ARID5B: variants seen among roughly 807,000 people sequenced by gnomAD.
The protein encoded by ARID5B is AT-rich interaction domain 5B.
In ARID5B, 13 loss-of-function variants were observed where a neutral mutation model predicts 97.2. The ratio of observed to expected loss-of-function variants is 0.13; its 90% CI spans 0.09 to 0.21. The LOEUF (loss-of-function observed/expected upper bound fraction) is 0.21, where lower values mean the gene tolerates loss of function less well. ARID5B is among the 10% of genes least tolerant of loss of function. ARID5B has a pLI of 1.00. For synonymous variants in ARID5B, 556 were observed against 570.3 expected, an observed-to-expected ratio of 0.97 and a Z score of 0.36; for missense variants, 1,210 against 1,465.3, an observed-to-expected ratio of 0.83 and a Z score of 2.84.
chr10:61,969,389 C>T (rs554629127), intron 3 of ARID5B, among the ~76,000 whole-genome samples: 42 of 152,234 alleles, frequency 2.8e-4, no homozygotes, highest in South Asian at 8.3e-4. Flanking sequence ...AGGAATTGAA[C>T]CTATAATATG....
intron 3 of ARID5B, among the ~76,000 whole-genome samples, chr10:61,970,991 G>GTA (rs1554841398): frequency 6.7e-6 from 1 of 149,564 alleles, no homozygotes; most frequent in South Asian, 2.1e-4. Context: ...GTGTGTGTGT[G>GTA]TATGTGTGTA....
At chr10:61,924,601 A>T (rs1365814014) in intron 2 of ARID5B, among the ~76,000 whole-genome samples, 1 of 152,238 alleles carries the variant, frequency 6.6e-6, no homozygotes, top group African/African-American at 2.4e-5. Flanking sequence ...AAAAAATTTA[A>T]CAAGAATGGA....
At chr10:62,084,886 G>A (rs1208484478) in intron 8 of ARID5B, among the ~76,000 whole-genome samples, 1 of 152,146 alleles carries the variant, frequency 6.6e-6, no homozygotes, top group South Asian at 2.1e-4. Context: ...CGCTGGGGCG[G>A]TCTTTTACTT....
intron 4 of ARID5B, among the ~76,000 whole-genome samples, chr10:62,015,078 A>C (rs1839266105): frequency 6.6e-6 from 1 of 152,220 alleles, no homozygotes; most frequent in African/African-American, 2.4e-5. Context: ...GAAAATAATG[A>C]CATTAGATCA....
Position 62,007,339 on chromosome 10 carries a change from CTCAT to C in ARID5B, c.733+7044_733+7047del, listed in dbSNP as rs536843591. Among the ~76,000 whole-genome samples, 42 of 152,204 alleles carry C rather than the reference CTCAT, an allele frequency of 2.8e-4. No individual in the cohort carries two copies. The South Asian group carries it at 4.1e-3, about 15-fold the overall frequency. On this transcript the variant is annotated intron_variant, in intron 4 of 9. Coordinates refer to ENST00000279873, the MANE Select transcript of ARID5B (RefSeq NM_032199.3). ...TACAGTGCCTGACACATGATAGGCT[CTCAT>C]TCATTCATTCATTCATTCATTCATT...
chr10:61,978,041 C>G (rs542196221), intron 3 of ARID5B, among the ~76,000 whole-genome samples: 23 of 152,212 alleles, frequency 1.5e-4, no homozygotes, highest in South Asian at 1.2e-3. Context: ...TTTGTATAAG[C>G]TGTAAGGAAG....
At chr10:61,959,272 G>A (rs1589235435) in intron 3 of ARID5B, among the ~76,000 whole-genome samples, 1 of 152,176 alleles carries the variant, frequency 6.6e-6, no homozygotes, top group South Asian at 2.1e-4. Context: ...AATGTTAGTG[G>A]TGGATTTCAC....
intron 3 of ARID5B, among the ~76,000 whole-genome samples, chr10:61,970,845 G>A (rs1413953283): frequency 1.3e-5 from 2 of 152,156 alleles, no homozygotes; most frequent in Non-Finnish European, 2.9e-5. Context: ...GATGAAGAAG[G>A]TAGAACTTAT....
intron 3 of ARID5B, among the ~76,000 whole-genome samples, chr10:61,993,129 ACAC>A (rs1838949956): frequency 6.7e-6 from 1 of 148,794 alleles, no homozygotes; most frequent in African/African-American, 2.6e-5. Context: ...ATACACACAC[ACAC>A]ACACACACAC....
At chr10:61,925,288 C>A (rs1206552386) in intron 2 of ARID5B, among the ~76,000 whole-genome samples, 1 of 152,050 alleles carries the variant, frequency 6.6e-6, no homozygotes, top group Non-Finnish European at 1.5e-5. Flanking sequence ...TGGGTTTGGG[C>A]TTTATTGTTA....
intron 8 of ARID5B, among the ~76,000 whole-genome samples, chr10:62,079,193 G>A (rs571451441): frequency 6.6e-6 from 1 of 152,300 alleles, no homozygotes; most frequent in East Asian, 1.9e-4. Context: ...TCTCCGTGTT[G>A]ATACATCTGT....
intron 4 of ARID5B, among the ~76,000 whole-genome samples, chr10:62,004,697 T>C (rs757533744): frequency 5.3e-5 from 8 of 152,260 alleles, no homozygotes; most frequent in Non-Finnish European, 7.3e-5. Context: ...AACAAACACA[T>C]ACAAACATTT....
chr10:61,974,495 T>C (rs1838673655), intron 3 of ARID5B, among the ~76,000 whole-genome samples: 1 of 152,190 alleles, frequency 6.6e-6, no homozygotes, highest in Non-Finnish European at 1.5e-5. Context: ...TTGAAATAAG[T>C]CACTTATTTC....
intron 3 of ARID5B, among the ~76,000 whole-genome samples, chr10:61,984,702 T>C (rs1838823230): frequency 6.6e-6 from 1 of 152,226 alleles, no homozygotes; most frequent in African/African-American, 2.4e-5. Context: ...CTCGCTGCCT[T>C]CAGGATTTAA....
intron 2 of ARID5B, among the ~76,000 whole-genome samples, chr10:61,926,683 G>A (rs1350369520): frequency 4.6e-5 from 7 of 151,988 alleles, no homozygotes; most frequent in Admixed American, 1.3e-4. Flanking sequence ...ATCTCAGCTC[G>A]CTGCAACCTT....
In ARID5B at chr10:61,967,063, G is replaced by A. The variant is rs192698412; in HGVS notation, c.502+26655G>A. On this transcript the variant is annotated intron_variant, in intron 3 of 9. Coordinates refer to ENST00000279873, the MANE Select transcript of ARID5B (RefSeq NM_032199.3). ...GAACGTATGTAAGATTGCATTTTCCGTTACTAGATTTAGCATTAATACTAT... is the reference window on the plus strand; with the variant it reads ...GAACGTATGTAAGATTGCATTTTCCATTACTAGATTTAGCATTAATACTAT... 5.3e-5 allele frequency among the ~76,000 whole-genome samples: 8 copies of A among 151,802 alleles called. No individual in the cohort carries two copies. In the East Asian group the frequency reaches 7.7e-4, roughly 15 times the overall value.
At chr10:62,051,215 A>G (rs937750656) in intron 5 of ARID5B, 4 of 624,064 alleles carry the variant, frequency 6.4e-6, no homozygotes. Context: ...TGATTAGTCA[A>G]CAGAAAGACT....
rs573103584 is a variant in ARID5B, at chr10:61,996,741, G to A, written c.503-3350G>A. On this transcript the variant is annotated intron_variant, in intron 3 of 9. Transcript: ENST00000279873. ...AGTCTCTCTGTTTCTCGTATTTTTA[G>A]TTAAGAGGGCTTTTAAAATTTGCTG... Among the ~76,000 whole-genome samples the A allele has an allele frequency of 2.0e-4, 31 of 152,076 alleles. No individual in the cohort carries two copies. In the South Asian group the frequency reaches 2.5e-3, roughly 12 times the overall value.
At chr10:61,961,299 T>G (rs1838467469) in intron 3 of ARID5B, among the ~76,000 whole-genome samples, 1 of 152,200 alleles carries the variant, frequency 6.6e-6, no homozygotes, top group African/African-American at 2.4e-5. Flanking sequence ...ATCCTTAAAA[T>G]AAAAAATATG....
Sources: gnomAD v4.1 joint callset for allele counts (sites outside exome capture counted in the v4.1 genomes callset) on GRCh38, gnomAD v4.1.1 for gene constraint, MANE v1.5 for transcripts, NCBI Gene and HGNC (gene_info 2026-07-23, HGNC 2026-07-21) for gene names.